The following TMTC1 variants were observed in gnomAD, a reference collection of about 807,000 sequenced individuals.
The protein encoded by TMTC1 is protein O-mannosyl-transferase TMTC1.
A neutral mutation model predicts 104.8 loss-of-function variants in TMTC1; 73 were observed. That is an observed-to-expected ratio of 0.70 (90% CI 0.58 to 0.85). The LOEUF (loss-of-function observed/expected upper bound fraction) is 0.85, where lower values mean the gene tolerates loss of function less well. TMTC1 is among the 40% of genes least tolerant of loss of function. The pLI is 0.00. For missense variants in TMTC1, 1,035 were observed against 1,096.1 expected (o/e 0.94, Z 0.79); for synonymous variants, 434 against 428.7 (o/e 1.01, Z -0.15).
chr12:29,586,929 T>A (rs1411902417), intron 7 of TMTC1, among the ~76,000 whole-genome samples: 7 of 151,422 alleles, frequency 4.6e-5, no homozygotes, highest in African/African-American at 9.7e-5. Context: ...GGCTTTGGTA[T>A]CAGGATGATG....
intron 5 of TMTC1, among the ~76,000 whole-genome samples, chr12:29,640,276 A>G (rs1294740918): frequency 6.6e-6 from 1 of 152,130 alleles, no homozygotes; most frequent in Non-Finnish European, 1.5e-5. Context: ...CCCAGAAGAG[A>G]CGTATGGTGA....
At chr12:29,567,876 T>C (rs1002497159) in intron 9 of TMTC1, among the ~76,000 whole-genome samples, 3 of 152,218 alleles carry the variant, frequency 2.0e-5, no homozygotes, top group Non-Finnish European at 4.4e-5. Flanking sequence ...TAAAAGGAAT[T>C]ATAATAAAGT....
intron 5 of TMTC1, among the ~76,000 whole-genome samples, chr12:29,715,766 C>T (rs1942059111): frequency 6.6e-6 from 1 of 152,076 alleles, no homozygotes; most frequent in South Asian, 2.1e-4. Context: ...GAAGACACCT[C>T]TTCACAGGGT....
chr12:29,651,902 CA>C (rs34170602), intron 5 of TMTC1, among the ~76,000 whole-genome samples: 9,547 of 142,910 alleles, frequency 0.067, 283 homozygotes, highest in African/African-American at 0.076. Flanking sequence ...AAAACTTGCC[CA>C]AAAAAAAAAA....
Position 29,538,583 on chromosome 12 carries a change from T to C in TMTC1, c.1677-2266A>G, listed in dbSNP as rs12829843. 9.6e-3 allele frequency among the ~76,000 whole-genome samples: 1,455 copies of C among 152,292 alleles called. 17 individuals are homozygous for C. Among genetic ancestry groups the C allele is most frequent in the South Asian group, 0.038 (182 of 4,820 alleles). ...ATAGCAATGACTTAATGGTTTTCTTTTGTCGTGGCTCATATCAGTTAGAAT... is the reference window on the plus strand; with the variant it reads ...ATAGCAATGACTTAATGGTTTTCTTCTGTCGTGGCTCATATCAGTTAGAAT... On this transcript the variant is annotated intron_variant, in intron 10 of 17. Transcript: ENST00000539277.
chr12:29,561,506 C>T (rs1026658423), intron 9 of TMTC1, among the ~76,000 whole-genome samples: 9 of 152,130 alleles, frequency 5.9e-5, no homozygotes, highest in African/African-American at 2.2e-4. Context: ...AAGCACAGTA[C>T]TATGGAAAGC....
At chr12:29,570,001 G>T (rs954719004) in intron 9 of TMTC1, among the ~76,000 whole-genome samples, 30 of 152,066 alleles carry the variant, frequency 2.0e-4, no homozygotes, top group African/African-American at 6.3e-4. Flanking sequence ...TTATACCTTT[G>T]CTCCAAGTTA....
At chr12:29,606,423 AG>A (rs10709732) in intron 6 of TMTC1, among the ~76,000 whole-genome samples, 34,941 of 152,166 alleles carry the variant, frequency 0.23, 4,891 homozygotes, top group East Asian at 0.38. Context: ...AATTGAAAAC[AG>A]ACCCCAAATA....
In TMTC1 at chr12:29,755,720, C is replaced by T. The variant is rs774792930; in HGVS notation, c.720G>A (p.Lys240=). Residue 240 remains lysine, a synonymous_variant, in exon 4 of 18, where the codon AAG becomes AAA. Transcript: ENST00000539277. Reference sequence around the variant, plus strand: ...GTAAAATGACTTACGACTTGTCTTGCTTGTTGGAAAGGGAAAAGAGGTCAT... The same window carrying T: ...GTAAAATGACTTACGACTTGTCTTGTTTGTTGGAAAGGGAAAAGAGGTCAT... ...LVYDLFSLSN[K]QDKSSNGALC... The T allele has an allele frequency of 1.2e-6, 2 of 1,613,180 alleles. No homozygotes were observed. Among genetic ancestry groups the T allele is most frequent in the Admixed American group, 1.7e-5 (1 of 59,884 alleles).
intron 2 of TMTC1, among the ~76,000 whole-genome samples, chr12:29,762,727 T>C (rs1943380970): frequency 6.6e-6 from 1 of 152,232 alleles, no homozygotes; most frequent in African/African-American, 2.4e-5. Context: ...GATTCATTAA[T>C]CTATAAGGAA....
intron 5 of TMTC1, among the ~76,000 whole-genome samples, chr12:29,728,144 A>G (rs1942449153): frequency 6.6e-6 from 1 of 152,246 alleles, no homozygotes; most frequent in Non-Finnish European, 1.5e-5. Flanking sequence ...TATCTTAAGC[A>G]TCAGGCTCCG....
Position 29,500,961 on chromosome 12 carries a change from C to T in TMTC1, c.*5885G>A, listed in dbSNP as rs970841676. ...ATACTTTATGGAAGATAAATTCTAA[C>T]GGGCACAGCCAAAGTAACAAAAATG... is the stretch of plus-strand genomic sequence containing the variant. On this transcript the variant is annotated 3_prime_UTR_variant, in exon 18 of 18. Transcript: ENST00000539277. 6.6e-6 allele frequency: 1 copy of T among 152,418 alleles called. No individual in the cohort carries two copies. The highest frequency in any genetic ancestry group is 2.1e-4 in the South Asian group (1 of 4,814). The allele number at this position is 152,418 out of a possible 1,614,324, so 9.4% of individuals were successfully genotyped here. A position where few individuals can be genotyped will look rare whatever the true frequency, so the allele number is the denominator to read the frequency against.
At chr12:29,514,721 T>C (rs2136141582) in intron 15 of TMTC1, 117 bp from the exon 16 acceptor site, 1 of 1,166,608 alleles carries the variant, frequency 8.6e-7, no homozygotes, top group South Asian at 1.6e-5. Flanking sequence ...TATGTGACAA[T>C]CAAAGTACAA....
At chr12:29,531,272 T>G (rs1435561865) in intron 11 of TMTC1, among the ~76,000 whole-genome samples, 2 of 152,230 alleles carry the variant, frequency 1.3e-5, no homozygotes, top group Non-Finnish European at 2.9e-5. Flanking sequence ...TGTGGCTGAA[T>G]GTACCTCAAA....
chr12:29,712,729 T>C (rs976158167), intron 5 of TMTC1, among the ~76,000 whole-genome samples: 1 of 152,230 alleles, frequency 6.6e-6, no homozygotes, highest in African/African-American at 2.4e-5. Flanking sequence ...CTTGCTCAGA[T>C]GCATTATAGT....
intron 5 of TMTC1, among the ~76,000 whole-genome samples, chr12:29,675,938 A>G (rs1445076528): frequency 6.6e-6 from 1 of 152,218 alleles, no homozygotes; most frequent in Admixed American, 6.5e-5. Context: ...ATGGAATTAT[A>G]ATGACTTTGT....
rs940128116 is a variant in TMTC1 at position 29,503,099 on chromosome 12, C to T, written c.*3747G>A. On this transcript the variant is annotated 3_prime_UTR_variant, in exon 18 of 18. Transcript: ENST00000539277. ...TGACTGAAAGGCCGTTGCGCAGAGG[C>T]ATTCGCACAACTGCTGCAAAACCCT... 1.3e-5 allele frequency: 2 copies of T among 152,180 alleles called. No individual in the cohort carries two copies. The highest frequency in any genetic ancestry group is 2.9e-5 in the Non-Finnish European group (2 of 68,040). The allele number at this position is 152,180 out of a possible 1,614,324, so 9.4% of individuals were successfully genotyped here. A position where few individuals can be genotyped will look rare whatever the true frequency, so the allele number is the denominator to read the frequency against.
chr12:29,718,530 G>A (rs1306614008), intron 5 of TMTC1, among the ~76,000 whole-genome samples: 1 of 152,110 alleles, frequency 6.6e-6, no homozygotes. Context: ...AAGGCTGTAA[G>A]ATCTCAACAG....
At chr12:29,719,076 T>G (rs751614046) in intron 5 of TMTC1, among the ~76,000 whole-genome samples, 4 of 152,168 alleles carry the variant, frequency 2.6e-5, no homozygotes, top group Non-Finnish European at 4.4e-5. Flanking sequence ...AGCTTACAAT[T>G]GTAATTGTCA....
Sources: gnomAD v4.1 joint callset for allele counts (sites outside exome capture counted in the v4.1 genomes callset) on GRCh38, gnomAD v4.1.1 for gene constraint, MANE v1.5 for transcripts, NCBI Gene and HGNC (gene_info 2026-07-23, HGNC 2026-07-21) for gene names.